CCNK: variants seen among roughly 807,000 people sequenced by gnomAD.
CCNK encodes cyclin-K.
A neutral mutation model predicts 65.0 loss-of-function variants in CCNK; 9 were observed. That is an observed-to-expected ratio of 0.14 (90% CI 0.08 to 0.24). The LOEUF (loss-of-function observed/expected upper bound fraction) is 0.24. Among genes scored for constraint, CCNK ranks in the 10% least tolerant of loss-of-function variants. The probability of loss-of-function intolerance (pLI) is 1.00; values close to 1 mark genes in which losing one functional copy is unlikely to be tolerated. For synonymous variants in CCNK, 279 were observed against 270.8 expected, an observed-to-expected ratio of 1.03 and a Z score of -0.30; for missense variants, 474 against 720.0, an observed-to-expected ratio of 0.66 and a Z score of 3.91.
intron 3 of CCNK, chr14:99,494,470 G>C (rs1896658726): frequency 6.6e-6 from 1 of 152,170 alleles, no homozygotes; most frequent in Non-Finnish European, 1.5e-5. Flanking sequence ...TAAGATTTTA[G>C]TTAGATTTAT....
In CCNK at chr14:99,486,362, C is replaced by T. The variant is rs1025425351; in HGVS notation, c.-53+4883C>T. ...CTTCCTGTCACTGGGCAAACGCTCGCCTTTGGTGATTCTTCCTACTTGGTA... is the reference window on the plus strand; with the variant it reads ...CTTCCTGTCACTGGGCAAACGCTCGTCTTTGGTGATTCTTCCTACTTGGTA... On this transcript the variant is annotated intron_variant, in intron 1 of 10. Coordinates refer to ENST00000389879, the MANE Select transcript of CCNK (RefSeq NM_001099402.2). Among the ~76,000 whole-genome samples, 3 of 152,190 alleles carry T rather than the reference C, an allele frequency of 2.0e-5. No homozygotes were observed. The East Asian group carries it at 5.8e-4, about 29-fold the overall frequency.
At chr14:99,509,770 G>A (rs1897072985) in intron 10 of CCNK, 2 of 256,782 alleles carry the variant, frequency 7.8e-6, no homozygotes, top group South Asian at 8.9e-5. Context: ...GCAGACAGGA[G>A]TTCAGTGTGG....
intron 10 of CCNK, chr14:99,507,395 A>T: frequency 2.1e-6 from 1 of 487,522 alleles, no homozygotes; most frequent in South Asian, 2.1e-5. Flanking sequence ...TGGGCAACAA[A>T]GTGAGACCCT....
At chr14:99,488,167 TATC>T (rs1452301208) in intron 1 of CCNK, among the ~76,000 whole-genome samples, 2 of 152,070 alleles carry the variant, frequency 1.3e-5, no homozygotes, top group African/African-American at 4.8e-5. Flanking sequence ...GTAATCACAA[TATC>T]ATTATTACCC....
At chr14:99,492,603 C>G in intron 1 of CCNK, 23 bp from the exon 2 acceptor site, 1 of 1,290,390 alleles carries the variant, frequency 7.7e-7, no homozygotes, top group Non-Finnish European at 1.1e-6. Flanking sequence ...TCCTTTCCAA[C>G]TTTGTTTTTC....
intron 1 of CCNK, 116 bp from the exon 2 acceptor site, chr14:99,492,510 A>G (rs942576025): frequency 1.4e-4 from 83 of 598,786 alleles, no homozygotes; most frequent in Non-Finnish European, 2.3e-4. Flanking sequence ...GTAACTGGCA[A>G]TTGACAGTGT....
chr14:99,497,668 A>G (rs1896731204), intron 4 of CCNK, among the ~76,000 whole-genome samples: 2 of 152,234 alleles, frequency 1.3e-5, no homozygotes, highest in Non-Finnish European at 2.9e-5. Flanking sequence ...CACAATAGTT[A>G]TCTTTTTCTC....
rs188264130 is a variant in CCNK, at chr14:99,510,901, A to G, written c.*119A>G. ...AATGCACGACAGTTGCAGTATGGGA[A>G]GAATGGACCGGGCCCCTGGGATAAA... On this transcript the variant is annotated 3_prime_UTR_variant, in exon 11 of 11. Coordinates refer to ENST00000389879, the MANE Select transcript of CCNK (RefSeq NM_001099402.2). The G allele has an allele frequency of 1.1e-4, 100 of 882,504 alleles. No homozygotes were observed. In the African/African-American group the frequency reaches 1.6e-3, roughly 14 times the overall value. 54.7% of individuals were successfully genotyped at this position (882,504 alleles called of 1,614,324 possible). A position where few individuals can be genotyped will look rare whatever the true frequency, so the allele number is the denominator to read the frequency against.
chr14:99,499,901 C>T (rs1288340912), intron 4 of CCNK, among the ~76,000 whole-genome samples: 1 of 152,134 alleles, frequency 6.6e-6, no homozygotes, highest in Non-Finnish European at 1.5e-5. Context: ...CTCTGAGTTT[C>T]CAATGAGAAT....
At chr14:99,487,472 T>TG (rs1280169259) in intron 1 of CCNK, among the ~76,000 whole-genome samples, 1 of 152,124 alleles carries the variant, frequency 6.6e-6, no homozygotes, top group East Asian at 1.9e-4. Flanking sequence ...AAATGTCCCC[T>TG]GGGGGGCAAA....
rs1477927678 is a variant in CCNK, at chr14:99,492,764, A to G, written c.87A>G (p.Lys29=). The G allele has an allele frequency of 1.9e-6, 3 of 1,613,340 alleles. No homozygotes were observed. The highest frequency in any genetic ancestry group is 2.5e-6 in the Non-Finnish European group (3 of 1,179,756). The change falls in exon 2 of 11, where the codon AAA becomes AAG. Residue 29 remains lysine, a synonymous_variant. Transcript: ENST00000389879. ...AGCCATGTTGGTACTGGGATAAGAA[A>G]GACTTGGCTCATACACCCTCACAAC... ...HTKPCWYWDK[K]DLAHTPSQLE... is the part of the protein sequence containing the mutation.
intron 8 of CCNK, chr14:99,503,285 A>G (rs1227600893): frequency 1.1e-5 from 7 of 619,170 alleles, no homozygotes; most frequent in East Asian, 2.8e-5. Flanking sequence ...GTCGTTGTGC[A>G]TGCTGCTTCT....
At chr14:99,482,068 A>C (rs977158366) in intron 1 of CCNK, among the ~76,000 whole-genome samples, 6 of 152,216 alleles carry the variant, frequency 3.9e-5, no homozygotes, top group African/African-American at 1.4e-4. Context: ...ATTGTTCTTT[A>C]GAAAATTGGA....
intron 10 of CCNK, chr14:99,509,877 G>T: frequency 1.9e-6 from 1 of 523,252 alleles, no homozygotes; most frequent in South Asian, 2.6e-5. Flanking sequence ...GGCACAAGGG[G>T]GCTTCGGGTG....
At chr14:99,487,966 CCCAACTTTTTATTGTATGA>C (rs963281032) in intron 1 of CCNK, among the ~76,000 whole-genome samples, 19 of 152,106 alleles carry the variant, frequency 1.2e-4, no homozygotes, top group African/African-American at 4.6e-4. Flanking sequence ...TGACTTTTTC[CCCAACTTTTTATTGTATGA>C]AAGAATAGTG....
At position 99,511,093 on chromosome 14, in the gene CCNK, TA is replaced by T. The variant is rs1897120315; in HGVS notation, c.*314del. 4.4e-6 allele frequency: 1 copy of T among 229,734 alleles called. No homozygotes were observed. The highest frequency in any genetic ancestry group is 8.4e-6 in the Non-Finnish European group (1 of 118,844). The allele number at this position is 229,734 out of a possible 1,614,324, so 14.2% of individuals were successfully genotyped here. A position where few individuals can be genotyped will look rare whatever the true frequency, so the allele number is the denominator to read the frequency against. On this transcript the variant is annotated 3_prime_UTR_variant, in exon 11 of 11. Transcript: ENST00000389879. ...ACGTTAACCAGCCATATTGGCTCAA[TA>T]AATAGCTTCGGTAAGGAGTTAATTT...
At chr14:99,503,285 A>C (rs1227600893) in intron 8 of CCNK, 2 of 619,170 alleles carry the variant, frequency 3.2e-6, no homozygotes, top group East Asian at 5.5e-5. Context: ...GTCGTTGTGC[A>C]TGCTGCTTCT....
At chr14:99,483,930 A>G (rs1896418849) in intron 1 of CCNK, among the ~76,000 whole-genome samples, 1 of 152,274 alleles carries the variant, frequency 6.6e-6, no homozygotes, top group Non-Finnish European at 1.5e-5. Flanking sequence ...TGTAGTGATA[A>G]TGAGCAAATT....
intron 4 of CCNK, among the ~76,000 whole-genome samples, 198 bp downstream of exon 4, chr14:99,495,827 C>T (rs1193814845): frequency 2.0e-5 from 3 of 152,176 alleles, no homozygotes; most frequent in Admixed American, 1.3e-4. Context: ...TCAGTGCTTC[C>T]TTATGTGCCC....
Sources: gnomAD v4.1 joint callset for allele counts (sites outside exome capture counted in the v4.1 genomes callset) on GRCh38, gnomAD v4.1.1 for gene constraint, MANE v1.5 for transcripts, NCBI Gene and HGNC (gene_info 2026-07-23, HGNC 2026-07-21) for gene names.